TPD52L2: variants seen among roughly 807,000 people sequenced by gnomAD.
The protein encoded by TPD52L2 is tumor protein D54.
A neutral mutation model predicts 24.7 loss-of-function variants in TPD52L2; 19 were observed. The ratio of observed to expected loss-of-function variants is 0.77; its 90% confidence interval spans 0.54 to 1.13. The LOEUF (loss-of-function observed/expected upper bound fraction) is 1.13, where lower values mean the gene tolerates loss of function less well. Among genes scored for constraint, TPD52L2 ranks in the 50% most tolerant of loss-of-function variants. The pLI is 0.00. For synonymous variants in TPD52L2, 104 were observed against 100.2 expected (o/e 1.04, Z -0.23); for missense variants, 236 against 250.4 (o/e 0.94, Z 0.39).
At chr20:63,867,586 G>T (rs1051085756) in intron 1 of TPD52L2, among the ~76,000 whole-genome samples, 1 of 151,740 alleles carries the variant, frequency 6.6e-6, no homozygotes, top group East Asian at 1.9e-4. Context: ...AAGAGAATCA[G>T]TGGATAAAAA....
At chr20:63,873,517 T>A in intron 2 of TPD52L2, 151 bp from the exon 3 acceptor site, 1 of 792,244 alleles carries the variant, frequency 1.3e-6, no homozygotes, top group Non-Finnish European at 1.9e-6. Context: ...AACCCAAAAA[T>A]CAGATGTCTG....
At position 63,874,228 on chromosome 20, in the gene TPD52L2, T is replaced by TTGTGTG. The variant is rs547406712; in HGVS notation, c.314+436_314+441dup. On this transcript the variant is annotated intron_variant, in intron 3 of 6. Coordinates refer to ENST00000346249, the MANE Select transcript of TPD52L2 (RefSeq NM_003288.4). ...CACCGCGCCCGGCTGATTTTTTTTT[T>TTGTGTG]TGTGTGTGTGTGTGTGTGTGTGTGT... Among the ~76,000 whole-genome samples the TTGTGTG allele has an allele frequency of 7.1e-3, 996 of 139,986 alleles. 11 individuals carry two copies. The highest frequency in any genetic ancestry group is 0.025 in the African/African-American group (905 of 36,656). The allele number at this position is 139,986 out of a possible 152,430, so 91.8% of individuals were successfully genotyped here. A position where few individuals can be genotyped will look rare whatever the true frequency, so the allele number is the denominator to read the frequency against.
intron 4 of TPD52L2, chr20:63,876,852 C>T (rs924901635): frequency 2.2e-6 from 1 of 455,474 alleles, no homozygotes; most frequent in Admixed American, 2.4e-5. Flanking sequence ...GGCATGGCTA[C>T]AGCAGCCAGC....
intron 1 of TPD52L2, among the ~76,000 whole-genome samples, chr20:63,865,889 C>T (rs1304188584): frequency 2.6e-5 from 4 of 152,170 alleles, no homozygotes; most frequent in Middle Eastern, 3.2e-3. Context: ...GGAGCTCAGC[C>T]TGCTTAGGGG....
chr20:63,869,487 C>T (rs1273316003), intron 2 of TPD52L2, 46 bp downstream of exon 2: 1 of 1,606,532 alleles, frequency 6.2e-7, no homozygotes, highest in Middle Eastern at 1.7e-4. Context: ...GGAGTTAAGG[C>T]CCTCTTGGAT....
chr20:63,887,911 G>A (rs115947191), intron 5 of TPD52L2: 7 of 479,370 alleles, frequency 1.5e-5, no homozygotes, highest in African/African-American at 4.0e-5. Context: ...CGAGGGGCTC[G>A]CACACAGATC....
intron 5 of TPD52L2, chr20:63,886,098 T>C (rs966842293): frequency 2.3e-5 from 36 of 1,580,410 alleles, no homozygotes; most frequent in Non-Finnish European, 3.1e-5. Context: ...TGGGGCAGGG[T>C]GGACTCCGGC....
At chr20:63,880,768 G>C (rs1035497056) in intron 4 of TPD52L2, among the ~76,000 whole-genome samples, 3 of 151,988 alleles carry the variant, frequency 2.0e-5, no homozygotes, top group African/African-American at 7.3e-5. Context: ...GCGGGCGCCT[G>C]TAGTCCCAGC....
At chr20:63,874,228 T>TGTGTG (rs1555872901) in intron 3 of TPD52L2, among the ~76,000 whole-genome samples, 424 of 140,014 alleles carry the variant, frequency 3.0e-3, no homozygotes, top group African/African-American at 0.01. Context: ...ATTTTTTTTT[T>TGTGTG]TGTGTGTGTG....
chr20:63,881,127 C>A (rs1433350372), intron 4 of TPD52L2, among the ~76,000 whole-genome samples: 1 of 151,988 alleles, frequency 6.6e-6, no homozygotes, highest in South Asian at 2.1e-4. Context: ...TGCGGGAGGC[C>A]GAGGCGGGTG....
chr20:63,885,940 G>A (rs2053076812), intron 5 of TPD52L2: 3 of 1,535,242 alleles, frequency 2.0e-6, no homozygotes, highest in African/African-American at 1.4e-5. Context: ...GGGGCTCCCC[G>A]AGGAGGGCTG....
intron 4 of TPD52L2, among the ~76,000 whole-genome samples, chr20:63,879,277 GAGGGCTGTGGGGCCCCC>G (rs1333507655): frequency 2.6e-5 from 4 of 152,178 alleles, no homozygotes; most frequent in Non-Finnish European, 5.9e-5. Flanking sequence ...GAGCAATGCT[GAGGGCTGTGGGGCCCCC>G]AGGGGCTTGA....
chr20:63,881,074 C>T (rs1008098942), intron 4 of TPD52L2, among the ~76,000 whole-genome samples: 2 of 151,806 alleles, frequency 1.3e-5, no homozygotes, highest in African/African-American at 4.8e-5. Context: ...ACCTGTCATC[C>T]GAGCGGGCTG....
chr20:63,886,058 G>A (rs774010776), intron 5 of TPD52L2: 8 of 1,613,856 alleles, frequency 5.0e-6, no homozygotes, highest in Non-Finnish European at 5.1e-6. Flanking sequence ...GCTGAGCCTG[G>A]ACACACCTGT....
intron 4 of TPD52L2, among the ~76,000 whole-genome samples, chr20:63,880,378 T>A (rs1404110752): frequency 1.1e-5 from 1 of 91,106 alleles, no homozygotes; most frequent in Non-Finnish European, 2.2e-5. Flanking sequence ...TCCCCACTCT[T>A]TAGGCACAAA....
rs2052727922 is a variant in TPD52L2, at chr20:63,877,387, C to G, written c.374+1512C>G. On this transcript the variant is annotated intron_variant, in intron 4 of 6. Coordinates refer to ENST00000346249, the MANE Select transcript of TPD52L2 (RefSeq NM_003288.4). This position sits in a 1 kb window ranked among gnomAD's most constrained non-coding sequence, Gnocchi z 4.1. ...TGTTAGCCAGGATGGTTTCGATCTCCTGACCTCGTGATCCGCCCATCTCGG... is the reference window on the plus strand; with the variant it reads ...TGTTAGCCAGGATGGTTTCGATCTCGTGACCTCGTGATCCGCCCATCTCGG... Among the ~76,000 whole-genome samples, 1 of 152,128 alleles carries G rather than the reference C, an allele frequency of 6.6e-6. No homozygotes were observed. Among genetic ancestry groups the G allele is most frequent in the African/African-American group, 2.4e-5 (1 of 41,448 alleles).
In TPD52L2 at chr20:63,865,291, C is replaced by A; in HGVS notation, c.-75C>A. 2.0e-6 allele frequency: 3 copies of A among 1,469,772 alleles called. No individual in the cohort carries two copies. Among genetic ancestry groups the A allele is most frequent in the South Asian group, 1.3e-5 (1 of 75,950 alleles). The allele number at this position is 1,469,772 out of a possible 1,614,324, so 91.0% of individuals were successfully genotyped here. A position where few individuals can be genotyped will look rare whatever the true frequency, so the allele number is the denominator to read the frequency against. On this transcript the variant is annotated 5_prime_UTR_variant, in exon 1 of 7. Transcript: ENST00000346249. The stretch of plus-strand genomic sequence containing the variant: ...AGGCAGTTCCGCTGGCTAGTGTGTA[C>A]GCGGCGAGCTTCTCCCGGCGCCGCC...
At chr20:63,883,785 C>T (rs907230755) in intron 5 of TPD52L2, among the ~76,000 whole-genome samples, 13 of 150,404 alleles carry the variant, frequency 8.6e-5, no homozygotes, top group Admixed American at 2.6e-4. Context: ...GTGGCCCCTG[C>T]AGGATTCAGA....
chr20:63,880,060 A>G (rs1600818233), intron 4 of TPD52L2, among the ~76,000 whole-genome samples: 2 of 15,928 alleles, frequency 1.3e-4, no homozygotes, highest in Admixed American at 5.4e-4. Context: ...CCCACTCTTT[A>G]GGCACAAATG....
Sources: gnomAD v4.1 joint callset for allele counts (sites outside exome capture counted in the v4.1 genomes callset) on GRCh38, gnomAD v4.1.1 for gene constraint, Gnocchi (gnomAD v3.1) non-coding constraint, MANE v1.5 for transcripts, NCBI Gene and HGNC (gene_info 2026-07-23, HGNC 2026-07-21) for gene names.